Variants in AKAP6 observed in about 807,000 individuals in gnomAD.
AKAP6 encodes A-kinase anchoring protein 6.
In AKAP6, 58 loss-of-function variants were observed where a neutral mutation model predicts 188.5. That is an observed-to-expected ratio of 0.31 (90% CI 0.25 to 0.38). AKAP6 has a LOEUF of 0.38. AKAP6 is among the 10% of genes least tolerant of loss of function. The pLI, the probability that AKAP6 is intolerant of heterozygous loss-of-function variation, is 1.00. For synonymous variants in AKAP6, 989 were observed against 998.6 expected (o/e 0.99, Z 0.18); for missense variants, 2,710 against 2,740.0 (o/e 0.99, Z 0.24).
At chr14:32,752,994 A>T (rs2032197724) in intron 11 of AKAP6, among the ~76,000 whole-genome samples, 1 of 152,170 alleles carries the variant, frequency 6.6e-6, no homozygotes. Context: ...GATTATTATG[A>T]ATAATGCAAT....
intron 9 of AKAP6, among the ~76,000 whole-genome samples, chr14:32,706,930 C>G (rs973021182): frequency 2.6e-5 from 4 of 152,088 alleles, no homozygotes; most frequent in African/African-American, 9.7e-5. Context: ...TAGCCTTTCT[C>G]CAGAAGGATA....
At chr14:32,807,833 T>A (rs1217610753) in intron 12 of AKAP6, among the ~76,000 whole-genome samples, 1 of 152,264 alleles carries the variant, frequency 6.6e-6, no homozygotes, top group Admixed American at 6.5e-5. Flanking sequence ...ATTTTAAAGA[T>A]CATTCCTTAA....
At chr14:32,788,101 G>C (rs2033485373) in intron 12 of AKAP6, among the ~76,000 whole-genome samples, 1 of 149,888 alleles carries the variant, frequency 6.7e-6, no homozygotes, top group Non-Finnish European at 1.5e-5. Context: ...AATTACACAT[G>C]AAGGGCTTGG....
chr14:32,605,765 G>A (rs1022356884), intron 7 of AKAP6, among the ~76,000 whole-genome samples: 1 of 152,088 alleles, frequency 6.6e-6, no homozygotes, highest in African/African-American at 2.4e-5. Context: ...TCCAAGCACA[G>A]CAGTTATGAT....
chr14:32,339,854 T>C (rs1886835707), intron 1 of AKAP6, among the ~76,000 whole-genome samples: 1 of 152,202 alleles, frequency 6.6e-6, no homozygotes, highest in Non-Finnish European at 1.5e-5. Flanking sequence ...TCTATACTTA[T>C]TTTGAATTAG....
At chr14:32,505,815 A>G (rs2138999884) in intron 2 of AKAP6, among the ~76,000 whole-genome samples, 1 of 152,266 alleles carries the variant, frequency 6.6e-6, no homozygotes, top group African/African-American at 2.4e-5. Flanking sequence ...TTGAGAATTC[A>G]TTTTTTGAAA....
At chr14:32,494,120 T>C (rs1368445323) in intron 2 of AKAP6, among the ~76,000 whole-genome samples, 3 of 152,208 alleles carry the variant, frequency 2.0e-5, no homozygotes, top group Non-Finnish European at 2.9e-5. Context: ...TACCCTTTTA[T>C]TTCAACTTCT....
At chr14:32,441,285 T>C (rs1890568430) in intron 2 of AKAP6, among the ~76,000 whole-genome samples, 1 of 152,224 alleles carries the variant, frequency 6.6e-6, no homozygotes, top group Non-Finnish European at 1.5e-5. Flanking sequence ...TTAGTGGAAA[T>C]GCTTTTTCTA....
intron 1 of AKAP6, among the ~76,000 whole-genome samples, chr14:32,411,925 G>C (rs990904308): frequency 6.7e-6 from 1 of 149,996 alleles, no homozygotes; most frequent in South Asian, 2.1e-4. Flanking sequence ...TATGTTTTCC[G>C]TAATGATAGC....
chr14:32,625,536 A>G (rs935287145), intron 7 of AKAP6, among the ~76,000 whole-genome samples: 23 of 152,030 alleles, frequency 1.5e-4, no homozygotes, highest in African/African-American at 5.1e-4. Context: ...TTTTAATGTT[A>G]TTAGTTGCCC....
At chr14:32,385,199 A>G (rs1888489906) in intron 1 of AKAP6, 1 of 151,348 alleles carries the variant, frequency 6.6e-6, no homozygotes, top group African/African-American at 2.4e-5. Flanking sequence ...GAAAAGCCGC[A>G]TCCATTATGC....
intron 4 of AKAP6, among the ~76,000 whole-genome samples, chr14:32,573,698 A>C (rs1452665147): frequency 1.3e-5 from 2 of 152,226 alleles, no homozygotes; most frequent in Non-Finnish European, 2.9e-5. Flanking sequence ...TTGTTGCATT[A>C]GGATTTGATC....
rs925713714 is a variant in AKAP6, at chr14:32,830,081, A to G, written c.*276A>G. 1.5e-6 allele frequency: 1 copy of G among 659,462 alleles called. No homozygotes were observed. Among genetic ancestry groups the G allele is most frequent in the Non-Finnish European group, 2.8e-6 (1 of 362,432 alleles). 40.9% of individuals were successfully genotyped at this position (659,462 alleles called of 1,614,324 possible). A position where few individuals can be genotyped will look rare whatever the true frequency, so the allele number is the denominator to read the frequency against. On this transcript the variant is annotated 3_prime_UTR_variant, in exon 14 of 14. Transcript: ENST00000280979. ...TTGTTCTCCCATGGATTCCTGTCCC[A>G]AGCTACCTCTACCAACCCTCTCTCT... is the stretch of plus-strand genomic sequence containing the variant.
At chr14:32,791,754 G>A (rs1244554874) in intron 12 of AKAP6, among the ~76,000 whole-genome samples, 1 of 152,130 alleles carries the variant, frequency 6.6e-6, no homozygotes, top group African/African-American at 2.4e-5. Flanking sequence ...ATGGTTTTTG[G>A]TTTTGTGTTT....
chr14:32,463,870 G>C (rs758950734), intron 2 of AKAP6, among the ~76,000 whole-genome samples: 4 of 151,896 alleles, frequency 2.6e-5, no homozygotes, highest in Non-Finnish European at 5.9e-5. Context: ...GAAGGAAACA[G>C]AGAAGAATCA....
intron 4 of AKAP6, among the ~76,000 whole-genome samples, chr14:32,548,465 A>T (rs1233769999): frequency 6.6e-6 from 1 of 151,852 alleles, no homozygotes; most frequent in African/African-American, 2.4e-5. Context: ...GCCATGCCAG[A>T]TTATTCTCGC....
intron 9 of AKAP6, among the ~76,000 whole-genome samples, chr14:32,731,067 C>A (rs939271563): frequency 6.6e-6 from 1 of 152,150 alleles, no homozygotes; most frequent in Non-Finnish European, 1.5e-5. Context: ...TACTCTGACA[C>A]CCTGATCAAC....
chr14:32,452,241 C>G (rs780694253), intron 2 of AKAP6, among the ~76,000 whole-genome samples: 2 of 151,882 alleles, frequency 1.3e-5, no homozygotes, highest in Non-Finnish European at 2.9e-5. Context: ...GCCTTGTTGC[C>G]CAGGCTGGTC....
At chr14:32,377,638 C>T (rs562927182) in intron 1 of AKAP6, among the ~76,000 whole-genome samples, 11 of 152,242 alleles carry the variant, frequency 7.2e-5, no homozygotes, top group African/African-American at 2.2e-4. Flanking sequence ...TGCTTTCCTC[C>T]TACACAGACA....
Sources: gnomAD v4.1 joint callset for allele counts (sites outside exome capture counted in the v4.1 genomes callset) on GRCh38, gnomAD v4.1.1 for gene constraint, MANE v1.5 for transcripts, NCBI Gene and HGNC (gene_info 2026-07-23, HGNC 2026-07-21) for gene names.